The following DPYSL4 variants were observed in gnomAD, a reference collection of about 807,000 sequenced individuals.
The protein encoded by DPYSL4 is dihydropyrimidinase like 4, also known as dihydropyrimidinase-related protein 4.
DPYSL4 carries 43 observed loss-of-function variants against 63.4 expected under a neutral mutation model. The observed-to-expected ratio is 0.68, with a 90% CI of 0.53 to 0.88. The LOEUF (loss-of-function observed/expected upper bound fraction) is 0.88. DPYSL4 is among the 40% of genes least tolerant of loss of function. The pLI, the probability that DPYSL4 is intolerant of heterozygous loss-of-function variation, is 0.00. For missense variants in DPYSL4, 733 were observed against 819.5 expected, an observed-to-expected ratio of 0.89 and a Z score of 1.29; for synonymous variants, 353 against 331.7, an observed-to-expected ratio of 1.06 and a Z score of -0.70.
chr10:132,203,632 C>T (rs570686696), intron 12 of DPYSL4, 130 bp from the exon 13 acceptor site: 149 of 874,026 alleles, frequency 1.7e-4, no homozygotes, highest in African/African-American at 1.0e-3. Flanking sequence ...CTGAAGCTGG[C>T]ACTGGAGAGG....
chr10:132,192,700 C>A lies in DPYSL4; in HGVS notation c.171C>A (p.Thr57=). The change falls in exon 3 of 14, where the codon ACC becomes ACA. Residue 57 remains threonine, a synonymous_variant. Coordinates refer to ENST00000338492, the MANE Select transcript of DPYSL4 (RefSeq NM_006426.3). The part of the protein sequence containing the change: ...ENLIVPGGIK[T]IDAHGLMVLP... ...TCATCGTCCCTGGGGGCATCAAGAC[C>A]ATTGACGCCCACGGCCTGATGGTCC... 6.2e-7 allele frequency: 1 copy of A among 1,613,142 alleles called. No homozygotes were observed. The highest frequency in any genetic ancestry group is 1.1e-5 in the South Asian group (1 of 91,038).
At chr10:132,187,130 C>T (rs772736372) in intron 1 of DPYSL4, 28 bp downstream of exon 1, 2 of 1,514,822 alleles carry the variant, frequency 1.3e-6, no homozygotes, top group Admixed American at 3.9e-5. Flanking sequence ...TCGCCCGGCG[C>T]CCCCTGCCCG....
At chr10:132,189,323 T>G (rs1339577867) in intron 1 of DPYSL4, among the ~76,000 whole-genome samples, 3 of 152,196 alleles carry the variant, frequency 2.0e-5, no homozygotes, top group Non-Finnish European at 2.9e-5. Flanking sequence ...TTTTTTGTGT[T>G]TCTCTCCCCC....
chr10:132,195,028 G>GCTGGAGGGC lies in DPYSL4; in HGVS notation c.478+20_478+28dup. 6.3e-7 allele frequency: 1 copy of GCTGGAGGGC among 1,595,016 alleles called. No individual in the cohort carries two copies. The highest frequency in any genetic ancestry group is 8.5e-7 in the Non-Finnish European group (1 of 1,176,984). On this transcript the variant is annotated intron_variant, in intron 4 of 13. Transcript: ENST00000338492. ...GAGAAGGGTGAGGGTGGCTGGAGGG[G>GCTGGAGGGC]CTGGAGGGCGGGCATGGAGCCTGGT...
chr10:132,192,915 TGG>T (rs1259428228), intron 3 of DPYSL4, 73 bp downstream of exon 3: 2 of 1,466,332 alleles, frequency 1.4e-6, no homozygotes, highest in East Asian at 4.7e-5. Context: ...CAGGTGTGTG[TGG>T]GAGGAGGAGT....
At chr10:132,202,147 G>T in intron 11 of DPYSL4, 31 bp downstream of exon 11, 2 of 1,600,028 alleles carry the variant, frequency 1.2e-6, no homozygotes, top group Middle Eastern at 3.4e-4. Flanking sequence ...GTCAGGGTTG[G>T]CCTTTGTGGG....
chr10:132,200,764 T>C (rs1465300903), intron 9 of DPYSL4, 78 bp from the exon 10 acceptor site: 1 of 1,549,692 alleles, frequency 6.5e-7, no homozygotes, highest in Non-Finnish European at 8.7e-7. Flanking sequence ...GCGGCTGTGC[T>C]GGCCAAGGGG....
chr10:132,192,791 G>C lies in DPYSL4; in HGVS notation c.262G>C (p.Asp88His). ...MPVLGMTPAD[D>H]FCQGTKAALA... ...TGTCCTGGGCATGACACCGGCTGAC[G>C]ACTTCTGTCAGGGCACCAAGGCAGC... The change falls in exon 3 of 14, where the codon GAC (aspartate) becomes CAC (histidine). Residue 88 changes from aspartate (D) to histidine (H), a missense_variant. Asp to His is a moderately conservative substitution (Grantham distance 81). Coordinates refer to ENST00000338492, the MANE Select transcript of DPYSL4 (RefSeq NM_006426.3). 6.2e-7 allele frequency: 1 copy of C among 1,612,998 alleles called. No homozygotes were observed. The highest frequency in any genetic ancestry group is 8.5e-7 in the Non-Finnish European group (1 of 1,179,898).
At chr10:132,197,166 G>A in intron 6 of DPYSL4, 65 bp downstream of exon 6, 8 of 1,388,250 alleles carry the variant, frequency 5.8e-6, no homozygotes, top group Non-Finnish European at 7.7e-6. Context: ...GGCTGCCTGT[G>A]GGGTGGGGCA....
intron 1 of DPYSL4, among the ~76,000 whole-genome samples, chr10:132,188,340 C>T (rs2061832032): frequency 6.6e-6 from 1 of 152,208 alleles, no homozygotes; most frequent in African/African-American, 2.4e-5. Flanking sequence ...AACACTTGGG[C>T]GCCTATGAGC....
At chr10:132,187,594 A>T (rs2061820820) in intron 1 of DPYSL4, among the ~76,000 whole-genome samples, 1 of 152,052 alleles carries the variant, frequency 6.6e-6, no homozygotes, top group African/African-American at 2.4e-5. Flanking sequence ...CGCCCCTTGG[A>T]CGCACTGGCG....
chr10:132,202,541 G>A (rs1160319562), intron 11 of DPYSL4, 105 bp from the exon 12 acceptor site: 26 of 1,444,780 alleles, frequency 1.8e-5, no homozygotes, highest in South Asian at 7.9e-5. Context: ...TAGGCACACC[G>A]GGCCTGCTCC....
chr10:132,191,475 C>T (rs2061876240), intron 2 of DPYSL4, among the ~76,000 whole-genome samples: 3 of 106,386 alleles, frequency 2.8e-5, no homozygotes, highest in South Asian at 3.3e-4. Context: ...GTTCCCAGCT[C>T]GTGTGTACAC....
intron 9 of DPYSL4, 133 bp downstream of exon 9, chr10:132,200,645 A>G: frequency 7.2e-7 from 1 of 1,397,908 alleles, no homozygotes; most frequent in Non-Finnish European, 9.6e-7. Flanking sequence ...GGGAAGTCTG[A>G]GCCCTTTGGT....
chr10:132,199,734 T>C (rs962001489), intron 8 of DPYSL4, among the ~76,000 whole-genome samples: 1 of 151,884 alleles, frequency 6.6e-6, no homozygotes, highest in African/African-American at 2.4e-5. Flanking sequence ...ATGTGTTTCC[T>C]GCATCGAGGG....
intron 3 of DPYSL4, among the ~76,000 whole-genome samples, chr10:132,194,393 C>T (rs2061914712): frequency 6.6e-6 from 1 of 152,208 alleles, no homozygotes; most frequent in Non-Finnish European, 1.5e-5. Context: ...TTGTGGGGCA[C>T]TCGGGAAACC....
At chr10:132,201,095 A>C (rs2062010794) in intron 10 of DPYSL4, 112 bp downstream of exon 10, 6 of 1,436,934 alleles carry the variant, frequency 4.2e-6, no homozygotes, top group Non-Finnish European at 5.6e-6. Context: ...GAAACAGATC[A>C]GAGCACACGG....
intron 11 of DPYSL4, among the ~76,000 whole-genome samples, 173 bp from the exon 12 acceptor site, chr10:132,202,473 G>A (rs1479651532): frequency 6.6e-6 from 1 of 152,226 alleles, no homozygotes; most frequent in Non-Finnish European, 1.5e-5. Context: ...AGGCCGAGGG[G>A]GGGCATTCCT....
intron 11 of DPYSL4, among the ~76,000 whole-genome samples, 184 bp downstream of exon 11, chr10:132,202,300 G>A (rs1005862041): frequency 2.0e-5 from 3 of 152,244 alleles, no homozygotes; most frequent in Non-Finnish European, 2.9e-5. Flanking sequence ...ACGTCACCTC[G>A]CTGCGTGGCC....
Sources: allele counts gnomAD v4.1 joint callset (sites outside exome capture counted in the v4.1 genomes callset), GRCh38; gene constraint gnomAD v4.1.1; transcripts MANE v1.5; gene names NCBI Gene and HGNC (gene_info 2026-07-23, HGNC 2026-07-21).